Variants in MUC20 observed in about 807,000 individuals in gnomAD.
MUC20 encodes the protein mucin 20, cell surface associated.
MUC20 carries 14 observed loss-of-function variants against 23.8 expected under a neutral mutation model. The ratio of observed to expected loss-of-function variants is 0.59; its 90% CI spans 0.39 to 0.92. MUC20 has a LOEUF of 0.92. MUC20 is among the 40% of genes least tolerant of loss of function. The pLI is 0.00. For missense variants in MUC20, 375 were observed against 668.8 expected (o/e 0.56, Z 4.85); for synonymous variants, 166 against 279.3 (o/e 0.59, Z 4.04).
chr3:195,729,770 A>G, intron 3 of MUC20, 31 bp downstream of exon 3: 4 of 1,567,240 alleles, frequency 2.6e-6, no homozygotes, highest in Non-Finnish European at 3.5e-6. Context: ...CCAGGGGAGT[A>G]GAGGAAGGGG....
chr3:195,733,096 G>C, intron 3 of MUC20, 54 bp from the exon 4 acceptor site: 2 of 1,543,378 alleles, frequency 1.3e-6, no homozygotes, highest in Non-Finnish European at 1.8e-6. Flanking sequence ...TCTGCCTCTG[G>C]CGAGCTCATG....
rs1212969525 is a variant in MUC20, at chr3:195,726,069, C to G, written c.1466C>G (p.Ser489Ter). ...ETLSTAGTTE[S>*]AAPDATVGTP... ...CTGTCCACAGCCGGCACCACAGAGT[C>G]AGCTGCACCTGATGCCACGGTTGGG... Residue 489 changes from serine (S) to a stop codon, truncating the protein, a stop_gained, in exon 2 of 4, where the codon TCA (serine) becomes TGA (stop). Coordinates refer to ENST00000447234, the MANE Select transcript of MUC20 (RefSeq NM_001282506.2). LOFTEE classifies it high-confidence loss of function. 2 of 1,613,704 alleles carry G rather than the reference C, an allele frequency of 1.2e-6. No homozygotes were observed. The highest frequency in any genetic ancestry group is 3.3e-5 in the Admixed American group (2 of 59,990).
At chr3:195,726,598 C>G (rs374448220) in intron 2 of MUC20, 26 bp downstream of exon 2, 1 of 1,591,706 alleles carries the variant, frequency 6.3e-7, no homozygotes, top group South Asian at 1.1e-5. Context: ...TGGTGATCTT[C>G]GGGGATTTGG....
intron 2 of MUC20, among the ~76,000 whole-genome samples, chr3:195,727,416 G>T (rs1465437972): frequency 6.6e-6 from 1 of 152,274 alleles, no homozygotes; most frequent in Non-Finnish European, 1.5e-5. Flanking sequence ...GCGAAGGCTT[G>T]GGAGTTTAAA....
chr3:195,729,560 C>G, intron 2 of MUC20, 88 bp from the exon 3 acceptor site: 2 of 1,269,272 alleles, frequency 1.6e-6, no homozygotes, highest in Non-Finnish European at 2.2e-6. Context: ...AGGTGATCCA[C>G]CTGCCTCTGC....
chr3:195,725,767 T>G lies in MUC20; in HGVS notation c.1164T>G (p.Ser388=). The G allele has an allele frequency of 6.7e-7, 1 of 1,492,596 alleles. No individual in the cohort carries two copies. The allele number at this position is 1,492,596 out of a possible 1,614,324, so 92.5% of individuals were successfully genotyped here. A position where few individuals can be genotyped will look rare whatever the true frequency, so the allele number is the denominator to read the frequency against. ...CACGGGCCTCAGAGAGCAGCGCCTC[T>G]TCCGACGGCCCCCATCCAGTCATCA... ...TPSRASESSA[S]SDGPHPVITP... Residue 388 remains serine, a synonymous_variant, in exon 2 of 4, where the codon TCT becomes TCG. Transcript: ENST00000447234.
intron 1 of MUC20, among the ~76,000 whole-genome samples, chr3:195,721,432 G>A (rs57890979): frequency 3.7e-3 from 562 of 151,688 alleles, no homozygotes; most frequent in African/African-American, 0.013. Flanking sequence ...GGCACGGAGC[G>A]GGGGTGCAGG....
At chr3:195,729,315 T>C (rs146351766) in intron 2 of MUC20, 1 of 9,122 alleles carries the variant, frequency 1.1e-4, no homozygotes. Flanking sequence ...CATCCTCCTC[T>C]TTTTTTTTTT....
Position 195,724,811 on chromosome 3 carries a change from AC to A in MUC20, c.212del (p.Pro71GlnfsTer35). 1 of 959,570 alleles carries A rather than the reference AC, an allele frequency of 1.0e-6. No homozygotes were observed. The highest frequency in any genetic ancestry group is 1.6e-6 in the Non-Finnish European group (1 of 638,130). 59.4% of individuals were successfully genotyped at this position (959,570 alleles called of 1,614,324 possible). On this transcript the variant is annotated frameshift_variant, in exon 2 of 4. Transcript: ENST00000447234. LOFTEE classifies it high-confidence loss of function. ...LSAETSSRAS[T>X]PAGPIPEAET... is the part of the protein sequence containing the mutation. ...CGCTGAGACCTCTTCTAGGGCCTCA[AC>A]CCCAGCCGGCCCCATTCCAGAAGCA...
At chr3:195,732,318 A>G (rs950344516) in intron 3 of MUC20, among the ~76,000 whole-genome samples, 2 of 151,660 alleles carry the variant, frequency 1.3e-5, no homozygotes, top group East Asian at 3.9e-4. Context: ...CTGGGAAGCC[A>G]GTTTTCTTTT....
At chr3:195,731,912 G>A (rs1163947691) in intron 3 of MUC20, among the ~76,000 whole-genome samples, 13 of 151,994 alleles carry the variant, frequency 8.6e-5, no homozygotes, top group African/African-American at 2.7e-4. Context: ...AGTGACAAAT[G>A]CCCCCGGCAT....
At chr3:195,730,009 G>T (rs909575909) in intron 3 of MUC20, 1 of 489,034 alleles carries the variant, frequency 2.0e-6, no homozygotes, top group Non-Finnish European at 3.6e-6. Flanking sequence ...TGGCCTTCTG[G>T]CCTCTGAGGC....
chr3:195,731,266 C>T (rs116150822), intron 3 of MUC20, among the ~76,000 whole-genome samples: 1,458 of 152,170 alleles, frequency 9.6e-3, no homozygotes, highest in Non-Finnish European at 0.015. Flanking sequence ...GGCTTCCTGT[C>T]ATCCCTTGCA....
At chr3:195,729,820 A>G (rs1713180714) in intron 3 of MUC20, 81 bp downstream of exon 3, 3 of 1,339,652 alleles carry the variant, frequency 2.2e-6, no homozygotes, top group African/African-American at 1.4e-5. Context: ...CGCAGGACAC[A>G]GAAGAGCAGC....
intron 2 of MUC20, among the ~76,000 whole-genome samples, chr3:195,728,582 T>C (rs898546323): frequency 1.3e-5 from 2 of 152,162 alleles, no homozygotes; most frequent in African/African-American, 4.8e-5. Flanking sequence ...TACTGAGACA[T>C]TCAGTTCCCA....
intron 2 of MUC20, among the ~76,000 whole-genome samples, chr3:195,728,208 G>T (rs146292538): frequency 0.013 from 2,037 of 152,086 alleles, 19 homozygotes; most frequent in African/African-American, 0.047. Context: ...ACAACAGTGG[G>T]CCCAGGGGAC....
chr3:195,733,101 C>T, intron 3 of MUC20, 49 bp from the exon 4 acceptor site: 1 of 1,549,314 alleles, frequency 6.5e-7, no homozygotes, highest in Non-Finnish European at 8.7e-7. Flanking sequence ...CTCTGGCGAG[C>T]TCATGGGCCA....
At chr3:195,730,806 C>T (rs943654512) in intron 3 of MUC20, among the ~76,000 whole-genome samples, 1 of 152,236 alleles carries the variant, frequency 6.6e-6, no homozygotes. Context: ...GATGTATACT[C>T]TAGATGAGGA....
In MUC20 at chr3:195,726,243, C is replaced by A. The variant is rs762014480; in HGVS notation, c.1640C>A (p.Ser547Ter). Residue 547 changes from serine (S) to a stop codon, truncating the protein, a stop_gained, in exon 2 of 4, where the codon TCA becomes TAA. Transcript: ENST00000447234. LOFTEE classifies it high-confidence loss of function. ...GAGACACCAAGTTACGTCAAAGTCT[C>A]AGGAGCAGCTCCGGTCTCCATAGAG... is the stretch of plus-strand genomic sequence containing the variant. ...SVETPSYVKV[S>*]GAAPVSIEAG... is the part of the protein sequence containing the mutation. 6.2e-7 allele frequency: 1 copy of A among 1,613,988 alleles called. No individual in the cohort carries two copies. Among genetic ancestry groups the A allele is most frequent in the African/African-American group, 1.3e-5 (1 of 75,076 alleles).
Sources: allele counts gnomAD v4.1 joint callset (sites outside exome capture counted in the v4.1 genomes callset), GRCh38; gene constraint gnomAD v4.1.1; transcripts MANE v1.5; gene names NCBI Gene and HGNC (gene_info 2026-07-23, HGNC 2026-07-21).